The following TXLNB variants were observed in gnomAD, a reference collection of about 807,000 sequenced individuals.
TXLNB encodes taxilin beta.
TXLNB carries 37 observed loss-of-function variants against 57.4 expected under a neutral mutation model. The observed-to-expected ratio is 0.64, with a 90% CI of 0.50 to 0.85. The LOEUF is 0.85. TXLNB is among the 40% of genes least tolerant of loss of function. The probability of loss-of-function intolerance (pLI) is 0.00; values close to 1 mark genes in which losing one functional copy is unlikely to be tolerated. For synonymous variants in TXLNB, 302 were observed against 309.6 expected (o/e 0.98, Z 0.26); for missense variants, 848 against 825.6 (o/e 1.03, Z -0.33).
chr6:139,288,904 G>C lies in TXLNB; in HGVS notation c.-5C>G, dbSNP rs781095219. ...TTCAGAGTGATTAGCCTCCATCTTG[G>C]GAGTAGTATCTAGTGGTAAGCACAG... On this transcript the variant is annotated 5_prime_UTR_variant, in exon 2 of 10. Transcript: ENST00000358430. The C allele has an allele frequency of 1.2e-6, 2 of 1,609,678 alleles. No homozygotes were observed. Among genetic ancestry groups the C allele is most frequent in the Admixed American group, 3.3e-5 (2 of 59,900 alleles).
At position 139,258,667 on chromosome 6, in the gene TXLNB, T is replaced by C. The variant is rs966732984; in HGVS notation, c.1002+1651A>G. ...TTTTAGGTAAATGAAAATCTCAAGATCAAAATGTGACATGGCCAAATTTGA... is the reference window on the plus strand; with the variant it reads ...TTTTAGGTAAATGAAAATCTCAAGACCAAAATGTGACATGGCCAAATTTGA... On this transcript the variant is annotated intron_variant, in intron 6 of 9. Coordinates refer to ENST00000358430, the MANE Select transcript of TXLNB (RefSeq NM_153235.4). Among the ~76,000 whole-genome samples the C allele has an allele frequency of 5.3e-5, 8 of 152,286 alleles. No homozygotes were observed. In the East Asian group the frequency reaches 1.4e-3, roughly 26 times the overall value.
At chr6:139,164,795 G>GC in the TXLNB span, among the ~76,000 whole-genome samples, 2 of 78,288 alleles carry the variant, frequency 2.6e-5, no homozygotes, top group African/African-American at 5.1e-5. Context: ...CCCCCCCACC[G>GC]CCCCCCACCG....
At chr6:139,262,466 A>G in intron 5 of TXLNB, 113 bp downstream of exon 5, 2 of 876,252 alleles carry the variant, frequency 2.3e-6, no homozygotes, top group Non-Finnish European at 3.3e-6. Context: ...TCCAATCCTA[A>G]ATATTAATCA....
the TXLNB span, among the ~76,000 whole-genome samples, chr6:139,183,855 G>C: frequency 6.8e-6 from 1 of 146,922 alleles, no homozygotes; most frequent in African/African-American, 2.7e-5. Flanking sequence ...ATCAGAGTTT[G>C]GGTTTAAGAG....
chr6:139,285,811 C>T (rs1480363714), intron 2 of TXLNB, among the ~76,000 whole-genome samples: 1 of 145,300 alleles, frequency 6.9e-6, no homozygotes, highest in Non-Finnish European at 1.5e-5. Context: ...CTCCAACCCT[C>T]AGGCCACGGA....
chr6:139,287,730 A>G (rs934848211), intron 2 of TXLNB, among the ~76,000 whole-genome samples: 1 of 152,196 alleles, frequency 6.6e-6, no homozygotes, highest in African/African-American at 2.4e-5. Flanking sequence ...GTACAGTAAC[A>G]TGCTTCACTC....
chr6:139,204,930 C>T, the TXLNB span, among the ~76,000 whole-genome samples: 1 of 152,298 alleles, frequency 6.6e-6, no homozygotes, highest in Admixed American at 6.5e-5. Flanking sequence ...GAGAACCACC[C>T]CCCATCCCCA....
At chr6:139,183,277 T>C in the TXLNB span, 3 of 152,232 alleles carry the variant, frequency 2.0e-5, no homozygotes, top group Admixed American at 2.0e-4. Context: ...CATACTCAGC[T>C]AGCTAACTCT....
chr6:139,298,642 C>A, the TXLNB span, among the ~76,000 whole-genome samples: 1 of 152,134 alleles, frequency 6.6e-6, no homozygotes. Context: ...AATGACATTC[C>A]CCTAAAGCAG....
At chr6:139,198,740 G>T in the TXLNB span, among the ~76,000 whole-genome samples, 2 of 152,032 alleles carry the variant, frequency 1.3e-5, no homozygotes, top group Admixed American at 6.6e-5. Flanking sequence ...TTCCTCTATG[G>T]CCATAGCACC....
At chr6:139,249,962 ACTCT>A (rs1267563996) in intron 7 of TXLNB, among the ~76,000 whole-genome samples, 3 of 151,788 alleles carry the variant, frequency 2.0e-5, no homozygotes, top group Non-Finnish European at 4.4e-5. Context: ...AGACACACAC[ACTCT>A]GTCTCTCACA....
At position 139,242,875 on chromosome 6, in the gene TXLNB, C is replaced by G; in HGVS notation, c.1706G>C (p.Ser569Thr). The G allele has an allele frequency of 6.2e-7, 1 of 1,614,168 alleles. No homozygotes were observed. The highest frequency in any genetic ancestry group is 8.5e-7 in the Non-Finnish European group (1 of 1,180,020). ...LTPQAEAEGG[S>T]DAEPPSKASN... ...GGCCTTGGAGGGAGGTTCAGCATCA[C>G]TGCCTCCTTCGGCTTCAGCCTGAGG... The change falls in exon 10 of 10, where the codon AGT (serine) becomes ACT (threonine). Residue 569 changes from serine to threonine, a missense_variant. Transcript: ENST00000358430.
chr6:139,200,703 A>G, the TXLNB span, among the ~76,000 whole-genome samples: 4 of 151,796 alleles, frequency 2.6e-5, no homozygotes. Flanking sequence ...TTAGGTTTCT[A>G]TTTTCTTTCA....
intron 5 of TXLNB, among the ~76,000 whole-genome samples, chr6:139,262,238 A>G (rs1776501833): frequency 6.6e-6 from 1 of 152,124 alleles, no homozygotes; most frequent in Non-Finnish European, 1.5e-5. Flanking sequence ...ATGACATGGC[A>G]ATTCTTAAGA....
At chr6:139,243,457 G>A in intron 9 of TXLNB, 143 bp from the exon 10 acceptor site, 1 of 790,520 alleles carries the variant, frequency 1.3e-6, no homozygotes, top group Non-Finnish European at 2.0e-6. Flanking sequence ...ACAGAGTAGG[G>A]GCTGAACAGA....
chr6:139,292,082 G>GCACACACA (rs201028254), upstream of TXLNB: 5 of 135,174 alleles, frequency 3.7e-5, no homozygotes, highest in African/African-American at 1.4e-4. This position sits in a 1 kb window ranked among gnomAD's most constrained non-coding sequence, Gnocchi z 4.0. Context: ...GCACGCACGC[G>GCACACACA]CGCGCACACA....
the TXLNB span, among the ~76,000 whole-genome samples, chr6:139,200,752 C>T: frequency 6.6e-6 from 1 of 152,094 alleles, no homozygotes; most frequent in African/African-American, 2.4e-5. Context: ...GACTGATACC[C>T]CAGTCCAGCC....
chr6:139,181,031 C>G, the TXLNB span, among the ~76,000 whole-genome samples: 1 of 152,178 alleles, frequency 6.6e-6, no homozygotes, highest in Non-Finnish European at 1.5e-5. Context: ...TTCAGTATGA[C>G]AAAGTTGATT....
the TXLNB span, among the ~76,000 whole-genome samples, chr6:139,299,305 G>A: frequency 1.3e-5 from 2 of 152,234 alleles, no homozygotes; most frequent in East Asian, 3.9e-4. Context: ...CCTTTTTGTG[G>A]CATTCTGCTT....
Sources: allele counts gnomAD v4.1 joint callset (sites outside exome capture counted in the v4.1 genomes callset), GRCh38; gene constraint gnomAD v4.1.1; non-coding constraint Gnocchi (gnomAD v3.1); transcripts MANE v1.5; gene names NCBI Gene and HGNC (gene_info 2026-07-23, HGNC 2026-07-21).